The following PTPRN2 variants were observed in gnomAD, a reference collection of about 807,000 sequenced individuals.
PTPRN2 encodes receptor-type tyrosine-protein phosphatase N2.
PTPRN2 carries 74 observed loss-of-function variants against 118.8 expected under a neutral mutation model. The observed-to-expected ratio is 0.62, with a 90% confidence interval of 0.52 to 0.76. PTPRN2 has a LOEUF of 0.76. Among genes scored for constraint, PTPRN2 ranks in the 30% least tolerant of loss-of-function variants. PTPRN2 has a pLI of 0.00. For synonymous variants in PTPRN2, 641 were observed against 608.0 expected (o/e 1.05, Z -0.80); for missense variants, 1,481 against 1,394.4 (o/e 1.06, Z -0.99).
At position 157,709,159 on chromosome 7, in the gene PTPRN2, G is replaced by A. The variant is rs898331432; in HGVS notation, c.1789-26222C>T. Among the ~76,000 whole-genome samples the A allele has an allele frequency of 3.9e-5, 6 of 152,304 alleles. No individual in the cohort carries two copies. The East Asian group carries it at 7.7e-4, about 20-fold the overall frequency. ...GGCTGTGCTGCCCATGGCTGGGTGG[G>A]ATTTTAATCTAGGCTCTCACAGGTG... On this transcript the variant is annotated intron_variant, in intron 12 of 22. Coordinates refer to ENST00000389418, the MANE Select transcript of PTPRN2 (RefSeq NM_002847.5).
chr7:157,884,106 A>G (rs1041284111), intron 12 of PTPRN2, among the ~76,000 whole-genome samples: 835 of 145,886 alleles, frequency 5.7e-3, no homozygotes, highest in African/African-American at 0.021. Context: ...AATGCCTGTC[A>G]GAGACCAGAA....
intron 12 of PTPRN2, among the ~76,000 whole-genome samples, chr7:157,695,264 C>G (rs548403562): frequency 6.6e-6 from 1 of 151,952 alleles, no homozygotes; most frequent in Non-Finnish European, 1.5e-5. Flanking sequence ...TATTATAAAG[C>G]AAAACACATA....
chr7:157,851,947 C>T (rs572867246), intron 12 of PTPRN2, among the ~76,000 whole-genome samples: 6 of 152,232 alleles, frequency 3.9e-5, no homozygotes, highest in African/African-American at 4.8e-5. Context: ...GGGCAACACC[C>T]GTTTTCCTAA....
chr7:158,337,156 G>C (rs1805761398), intron 2 of PTPRN2, among the ~76,000 whole-genome samples: 1 of 151,978 alleles, frequency 6.6e-6, no homozygotes, highest in African/African-American at 2.4e-5. Context: ...CTCACCATAA[G>C]AGGTGACACC....
rs1379058630 is a variant in PTPRN2, at chr7:158,270,771, TC to T, written c.277+46047del. Among the ~76,000 whole-genome samples the T allele has an allele frequency of 1.5e-4, 15 of 100,880 alleles. 1 individual carries two copies. The South Asian group carries it at 1.8e-3, about 12-fold the overall frequency. The allele number at this position is 100,880 out of a possible 152,430, so 66.2% of individuals were successfully genotyped here. A position where few individuals can be genotyped will look rare whatever the true frequency, so the allele number is the denominator to read the frequency against. On this transcript the variant is annotated intron_variant, in intron 3 of 22. Coordinates refer to ENST00000389418, the MANE Select transcript of PTPRN2 (RefSeq NM_002847.5). ...CGTCTTCTCCACCTGGACCACCCCG[TC>T]CACCTGGACCACCCCTCCACCTGGA...
chr7:157,809,526 A>G (rs1805845617), intron 12 of PTPRN2, among the ~76,000 whole-genome samples: 1 of 152,242 alleles, frequency 6.6e-6, no homozygotes. Context: ...ACACCAGCAC[A>G]GTGAATGCCG....
At chr7:158,013,179 G>A (rs147706516) in intron 11 of PTPRN2, among the ~76,000 whole-genome samples, 29 of 152,330 alleles carry the variant, frequency 1.9e-4, no homozygotes, top group African/African-American at 6.0e-4. Flanking sequence ...ATAAGCTGAA[G>A]AGCAGGCTCC....
chr7:158,122,406 C>A (rs1432899088), intron 9 of PTPRN2, among the ~76,000 whole-genome samples: 1 of 152,178 alleles, frequency 6.6e-6, no homozygotes, highest in Non-Finnish European at 1.5e-5. Flanking sequence ...GTCCCTCTTC[C>A]ACGGTGTCCT....
At chr7:157,870,334 A>G (rs1810975968) in intron 12 of PTPRN2, among the ~76,000 whole-genome samples, 1 of 152,146 alleles carries the variant, frequency 6.6e-6, no homozygotes, top group South Asian at 2.1e-4. Context: ...CCACTATAGG[A>G]TTCATCTTCA....
intron 11 of PTPRN2, among the ~76,000 whole-genome samples, chr7:157,967,866 G>A (rs928451223): frequency 6.6e-6 from 1 of 152,204 alleles, no homozygotes; most frequent in African/African-American, 2.4e-5. Flanking sequence ...ACAAAGCTAT[G>A]GGACACAAGT....
intron 3 of PTPRN2, among the ~76,000 whole-genome samples, chr7:158,280,304 C>T (rs572756141): frequency 1.3e-5 from 2 of 152,360 alleles, no homozygotes; most frequent in East Asian, 3.9e-4. Flanking sequence ...AGGTGGCTAA[C>T]CCCGTCGGGG....
intron 3 of PTPRN2, among the ~76,000 whole-genome samples, chr7:158,270,787 C>CA (rs562595422): frequency 1.5e-4 from 15 of 97,380 alleles, no homozygotes; most frequent in Non-Finnish European, 2.5e-4. Context: ...TGGACCACCC[C>CA]TCCACCTGGA....
chr7:157,746,901 G>GAGGT (rs1338756571), intron 12 of PTPRN2, among the ~76,000 whole-genome samples: 2 of 148,782 alleles, frequency 1.3e-5, no homozygotes, highest in African/African-American at 5.0e-5. Flanking sequence ...GTGGGCTGTT[G>GAGGT]AGGTGATTCT....
intron 11 of PTPRN2, among the ~76,000 whole-genome samples, chr7:157,913,415 G>A (rs921245718): frequency 2.6e-5 from 4 of 152,126 alleles, no homozygotes; most frequent in African/African-American, 9.7e-5. Flanking sequence ...CTGCTTCACT[G>A]CCTGCTGAAC....
chr7:157,677,963 GT>G (rs1195019578), intron 13 of PTPRN2, among the ~76,000 whole-genome samples: 1 of 152,146 alleles, frequency 6.6e-6, no homozygotes, highest in Non-Finnish European at 1.5e-5. Flanking sequence ...CCGAATCCAC[GT>G]CTCGAAAGTT....
intron 11 of PTPRN2, among the ~76,000 whole-genome samples, chr7:157,997,019 A>T (rs140375822): frequency 2.9e-3 from 445 of 152,322 alleles, no homozygotes; most frequent in African/African-American, 0.01. Flanking sequence ...CTCAACAGGC[A>T]TGAGGAGCAG....
chr7:158,103,662 G>T (rs1815428979), intron 10 of PTPRN2, among the ~76,000 whole-genome samples: 1 of 152,144 alleles, frequency 6.6e-6, no homozygotes, highest in South Asian at 2.1e-4. Context: ...CAGCTCAGGG[G>T]CAGGGATGAG....
chr7:157,657,645 C>G (rs1249794075), intron 13 of PTPRN2, among the ~76,000 whole-genome samples: 1 of 122,702 alleles, frequency 8.1e-6, no homozygotes, highest in African/African-American at 3.2e-5. Flanking sequence ...ACACACATCA[C>G]ACATATACAC....
intron 1 of PTPRN2, among the ~76,000 whole-genome samples, chr7:158,584,188 G>A (rs542229125): frequency 6.6e-6 from 1 of 152,330 alleles, no homozygotes; most frequent in African/African-American, 2.4e-5. Context: ...TCATTGGCAA[G>A]TGAAAGTTGT....
Sources: gnomAD v4.1 joint callset for allele counts (sites outside exome capture counted in the v4.1 genomes callset) on GRCh38, gnomAD v4.1.1 for gene constraint, MANE v1.5 for transcripts, NCBI Gene and HGNC (gene_info 2026-07-23, HGNC 2026-07-21) for gene names.